BRD10: variants seen among roughly 807,000 people sequenced by gnomAD.
BRD10 encodes the protein uncharacterized bromodomain-containing protein 10.
the BRD10 span, among the ~76,000 whole-genome samples, chr9:5,928,186 T>G: frequency 6.6e-6 from 1 of 152,120 alleles, no homozygotes; most frequent in African/African-American, 2.4e-5. Context: ...ATCCAATCCT[T>G]AAGCAAATTC....
At chr9:5,898,715 C>G in the BRD10 span, among the ~76,000 whole-genome samples, 5 of 152,162 alleles carry the variant, frequency 3.3e-5, no homozygotes, top group African/African-American at 9.7e-5. Flanking sequence ...TTCTGTTACT[C>G]CACTTTGTGA....
At chr9:5,986,218 G>A in the BRD10 span, among the ~76,000 whole-genome samples, 1 of 152,176 alleles carries the variant, frequency 6.6e-6, no homozygotes. Context: ...GTGAGAACAT[G>A]TGGTGTTTAG....
At chr9:5,978,357 A>T in the BRD10 span, among the ~76,000 whole-genome samples, 1 of 151,846 alleles carries the variant, frequency 6.6e-6, no homozygotes, top group Non-Finnish European at 1.5e-5. Flanking sequence ...AGGTGAGAAA[A>T]CATGGACCTC....
the BRD10 span, among the ~76,000 whole-genome samples, chr9:5,887,936 CTTTG>C: frequency 1.4e-4 from 22 of 152,318 alleles, 1 homozygote; most frequent in South Asian, 4.3e-3. Context: ...ATCAACCCTT[CTTTG>C]TTTTCTTTCT....
At chr9:5,920,426 G>C in the BRD10 span, 1 of 1,614,008 alleles carries the variant, frequency 6.2e-7, no homozygotes. Context: ...AGTTACATTG[G>C]ATGGTGCCGA....
chr9:5,929,664 C>G, the BRD10 span, among the ~76,000 whole-genome samples: 1 of 152,076 alleles, frequency 6.6e-6, no homozygotes, highest in Non-Finnish European at 1.5e-5. Flanking sequence ...AGCAACCAAG[C>G]AGTTACTGTT....
chr9:5,969,518 C>A, the BRD10 span: 1 of 894,898 alleles, frequency 1.1e-6, no homozygotes, highest in South Asian at 1.9e-5. Context: ...TATCTTTAGC[C>A]AAAAAGGCAA....
chr9:5,884,861 G>C, the BRD10 span, among the ~76,000 whole-genome samples: 2 of 152,168 alleles, frequency 1.3e-5, no homozygotes, highest in African/African-American at 2.4e-5. Flanking sequence ...GCTCACCTGC[G>C]AGACTTGGGC....
chr9:5,878,901 G>A, the BRD10 span, among the ~76,000 whole-genome samples: 1 of 152,200 alleles, frequency 6.6e-6, no homozygotes, highest in Admixed American at 6.5e-5. Flanking sequence ...GACCAATAAT[G>A]TACCCTGGAA....
the BRD10 span, among the ~76,000 whole-genome samples, chr9:5,961,293 C>G: frequency 6.6e-6 from 1 of 152,112 alleles, no homozygotes; most frequent in Admixed American, 6.5e-5. Flanking sequence ...TTTAACAAGT[C>G]ACAAGATAAT....
At chr9:5,935,999 ATT>A in the BRD10 span, among the ~76,000 whole-genome samples, 1 of 152,132 alleles carries the variant, frequency 6.6e-6, no homozygotes, top group Non-Finnish European at 1.5e-5. Context: ...TGAACGAGTT[ATT>A]TTGTTAGTTT....
At chr9:5,952,601 T>C in the BRD10 span, among the ~76,000 whole-genome samples, 3,813 of 152,322 alleles carry the variant, frequency 0.025, 96 homozygotes, top group Admixed American at 0.06. Context: ...TGAATACCAC[T>C]GCAATTTTAA....
At chr9:5,984,471 C>A in the BRD10 span, among the ~76,000 whole-genome samples, 1 of 151,940 alleles carries the variant, frequency 6.6e-6, no homozygotes, top group Non-Finnish European at 1.5e-5. Context: ...TTATAATAGG[C>A]CAACACTGGA....
At chr9:5,880,320 G>A in the BRD10 span, among the ~76,000 whole-genome samples, 5 of 150,986 alleles carry the variant, frequency 3.3e-5, no homozygotes, top group East Asian at 2.0e-4. Flanking sequence ...GAGACCAGCC[G>A]GACCAACATG....
At chr9:5,990,002 T>C in the BRD10 span, among the ~76,000 whole-genome samples, 2 of 152,262 alleles carry the variant, frequency 1.3e-5, no homozygotes, top group African/African-American at 2.4e-5. Flanking sequence ...TGTAGCACCA[T>C]TATGTGTTTT....
the BRD10 span, among the ~76,000 whole-genome samples, chr9:5,946,755 C>A: frequency 6.6e-6 from 1 of 152,008 alleles, no homozygotes; most frequent in African/African-American, 2.4e-5. Flanking sequence ...TCTCACTACA[C>A]AAGGAATAGG....
the BRD10 span, among the ~76,000 whole-genome samples, chr9:5,929,501 T>C: frequency 2.6e-5 from 4 of 152,184 alleles, no homozygotes; most frequent in Admixed American, 6.6e-5. Flanking sequence ...AAGTATGACA[T>C]GGGTCATTTC....
At chr9:5,960,606 A>T in the BRD10 span, among the ~76,000 whole-genome samples, 2 of 151,592 alleles carry the variant, frequency 1.3e-5, no homozygotes, top group Middle Eastern at 3.2e-3. Flanking sequence ...TGACTATTTG[A>T]GGGGGGAAAA....
chr9:5,927,805 A>C, the BRD10 span, among the ~76,000 whole-genome samples: 1 of 152,092 alleles, frequency 6.6e-6, no homozygotes, highest in African/African-American at 2.4e-5. Flanking sequence ...GGCCACTTCT[A>C]CATGCTGGAA....
Sources: allele counts gnomAD v4.1 joint callset (sites outside exome capture counted in the v4.1 genomes callset), GRCh38; gene constraint gnomAD v4.1.1; transcripts MANE v1.5; gene names NCBI Gene and HGNC (gene_info 2026-07-23, HGNC 2026-07-21).